Variants in CSTPP1 observed in about 807,000 individuals in gnomAD.
CSTPP1 encodes the protein UPF0705 protein C11orf49.
chr11:47,001,181 T>G, the CSTPP1 span, among the ~76,000 whole-genome samples: 2 of 152,346 alleles, frequency 1.3e-5, no homozygotes, highest in African/African-American at 4.8e-5. Context: ...TTGATTGATT[T>G]TATTTGTTGC....
the CSTPP1 span, among the ~76,000 whole-genome samples, chr11:47,078,683 G>A: frequency 6.6e-6 from 1 of 152,160 alleles, no homozygotes; most frequent in African/African-American, 2.4e-5. Context: ...TGAAAATGCA[G>A]AGAAATATTA....
At chr11:47,091,018 A>C in the CSTPP1 span, among the ~76,000 whole-genome samples, 1 of 140,344 alleles carries the variant, frequency 7.1e-6, no homozygotes, top group Non-Finnish European at 1.5e-5. Context: ...CAGCCCGGGC[A>C]ACAGAGCGAG....
the CSTPP1 span, among the ~76,000 whole-genome samples, chr11:47,007,115 C>T: frequency 6.6e-6 from 1 of 150,632 alleles, no homozygotes; most frequent in Non-Finnish European, 1.5e-5. Flanking sequence ...GTTCAACCCA[C>T]TCTGCCTTCC....
chr11:47,025,662 T>TA, the CSTPP1 span, among the ~76,000 whole-genome samples: 1 of 152,092 alleles, frequency 6.6e-6, no homozygotes, highest in Non-Finnish European at 1.5e-5. Context: ...AGGGGGCCCA[T>TA]AAAAATAGTG....
the CSTPP1 span, chr11:47,023,330 G>GC: frequency 6.5e-6 from 1 of 154,554 alleles, no homozygotes; most frequent in Admixed American, 6.6e-5. Context: ...CCTCCTATTG[G>GC]CCCTGCAGAA....
chr11:47,136,928 G>A, the CSTPP1 span, among the ~76,000 whole-genome samples: 1 of 152,148 alleles, frequency 6.6e-6, no homozygotes, highest in South Asian at 2.1e-4. Context: ...AAATTTCTCT[G>A]AGATTCACCT....
At chr11:47,031,766 G>T in the CSTPP1 span, among the ~76,000 whole-genome samples, 1 of 150,838 alleles carries the variant, frequency 6.6e-6, no homozygotes, top group African/African-American at 2.4e-5. Flanking sequence ...ATTGTATTAG[G>T]GTTCTCTAGA....
At chr11:47,138,429 T>G in the CSTPP1 span, among the ~76,000 whole-genome samples, 4 of 152,066 alleles carry the variant, frequency 2.6e-5, no homozygotes, top group African/African-American at 9.7e-5. Context: ...GGGGCAAGGG[T>G]TGGCAGTGAC....
the CSTPP1 span, among the ~76,000 whole-genome samples, chr11:46,958,329 T>C: frequency 6.6e-6 from 1 of 152,166 alleles, no homozygotes; most frequent in East Asian, 1.9e-4. Flanking sequence ...TTCTTTTCCC[T>C]AGCTTACTTT....
At chr11:47,016,390 C>CAAAAAAAAAAAAAAAAAAAAAAA in the CSTPP1 span, among the ~76,000 whole-genome samples, 1 of 125,850 alleles carries the variant, frequency 7.9e-6, no homozygotes. Flanking sequence ...ATGGAATCTA[C>CAAAAAAAAAAAAAAAAAAAAAAA]AAAAAACAAA....
the CSTPP1 span, among the ~76,000 whole-genome samples, chr11:47,027,702 C>T: frequency 6.6e-6 from 1 of 152,076 alleles, no homozygotes; most frequent in Non-Finnish European, 1.5e-5. Context: ...AATTATAAAT[C>T]CTATCCACTA....
At chr11:47,114,213 GT>G in the CSTPP1 span, among the ~76,000 whole-genome samples, 1 of 152,188 alleles carries the variant, frequency 6.6e-6, no homozygotes, top group South Asian at 2.1e-4. Context: ...CAATATATCT[GT>G]TTTGGTACCA....
chr11:46,946,551 G>T, the CSTPP1 span, among the ~76,000 whole-genome samples: 370 of 152,306 alleles, frequency 2.4e-3, 1 homozygote, highest in African/African-American at 8.1e-3. Flanking sequence ...CCAGCTACTC[G>T]CGAGGCTGAG....
At chr11:47,074,060 C>T in the CSTPP1 span, among the ~76,000 whole-genome samples, 4 of 152,044 alleles carry the variant, frequency 2.6e-5, no homozygotes, top group Non-Finnish European at 5.9e-5. Context: ...TCAAATTAGC[C>T]GAACGTGGTG....
chr11:46,962,013 G>A, the CSTPP1 span, among the ~76,000 whole-genome samples: 68 of 152,194 alleles, frequency 4.5e-4, no homozygotes, highest in Non-Finnish European at 8.5e-4. Flanking sequence ...ATAGGAGCAA[G>A]GAGAAGTGCT....
At chr11:46,987,646 G>GT in the CSTPP1 span, 49 of 192,326 alleles carry the variant, frequency 2.5e-4, no homozygotes, top group South Asian at 3.8e-4. Flanking sequence ...CATCTAGCCT[G>GT]TTTTTTTTCA....
the CSTPP1 span, among the ~76,000 whole-genome samples, chr11:47,024,316 A>T: frequency 5.3e-5 from 8 of 151,632 alleles, no homozygotes; most frequent in Non-Finnish European, 7.4e-5. Flanking sequence ...CTCTTGCCTT[A>T]TAGCCTCCCA....
the CSTPP1 span, among the ~76,000 whole-genome samples, chr11:47,026,546 A>T: frequency 6.6e-6 from 1 of 152,160 alleles, no homozygotes; most frequent in Non-Finnish European, 1.5e-5. Flanking sequence ...ATATCTTTTA[A>T]ATTTTTAATC....
the CSTPP1 span, among the ~76,000 whole-genome samples, chr11:47,030,946 T>A: frequency 1.3e-5 from 2 of 152,192 alleles, no homozygotes; most frequent in Non-Finnish European, 2.9e-5. Flanking sequence ...TGAGGAATCC[T>A]CAAAGATCTA....
Sources: gnomAD v4.1 joint callset for allele counts (sites outside exome capture counted in the v4.1 genomes callset) on GRCh38, gnomAD v4.1.1 for gene constraint, MANE v1.5 for transcripts, NCBI Gene and HGNC (gene_info 2026-07-23, HGNC 2026-07-21) for gene names.